Variants in DNAJC3 observed in about 807,000 individuals in gnomAD.
DNAJC3 encodes DnaJ heat shock protein family (Hsp40) member C3, also known as dnaJ homolog subfamily C member 3.
Under a neutral mutation model 68.6 loss-of-function variants are expected in DNAJC3, and 38 were observed. That is an observed-to-expected ratio of 0.55 (90% CI 0.43 to 0.73). The LOEUF (loss-of-function observed/expected upper bound fraction) is 0.73, where lower values mean the gene tolerates loss of function less well. Among genes scored for constraint, DNAJC3 ranks in the 30% least tolerant of loss-of-function variants. The pLI is 0.00. For synonymous variants in DNAJC3, 203 were observed against 204.0 expected (o/e 1.00, Z 0.04); for missense variants, 526 against 591.9 (o/e 0.89, Z 1.16).
At chr13:95,775,174 C>T (rs746730636) in intron 9 of DNAJC3, among the ~76,000 whole-genome samples, 9 of 152,200 alleles carry the variant, frequency 5.9e-5, no homozygotes, top group Admixed American at 3.3e-4. Context: ...AAGCAGTCCT[C>T]CTGCCTCAGC....
intron 2 of DNAJC3, among the ~76,000 whole-genome samples, chr13:95,709,672 C>T (rs1050665507): frequency 2.3e-5 from 3 of 129,108 alleles, no homozygotes; most frequent in East Asian, 2.3e-4. Context: ...CTCGCTCTGT[C>T]GCTGTCGCCC....
intron 4 of DNAJC3, among the ~76,000 whole-genome samples, chr13:95,755,107 C>T (rs554116662): frequency 1.3e-5 from 2 of 151,958 alleles, no homozygotes; most frequent in African/African-American, 4.8e-5. Flanking sequence ...GTAGAGAAAA[C>T]AAGGGGGTGA....
In DNAJC3 at chr13:95,794,577, T is replaced by G. The variant is rs1424248616; in HGVS notation, c.*3547T>G. 1 of 152,276 alleles carries G rather than the reference T, an allele frequency of 6.6e-6. No individual in the cohort carries two copies. Among genetic ancestry groups the G allele is most frequent in the Admixed American group, 6.5e-5 (1 of 15,290 alleles). 9.4% of individuals were successfully genotyped at this position (152,276 alleles called of 1,614,324 possible). On this transcript the variant is annotated 3_prime_UTR_variant, in exon 12 of 12. Transcript: ENST00000602402. ...TTGTTAGTGGCAGTTTATCCTGTAA[T>G]TTCAAATGACGTTAAGAGGTGGGAT...
In DNAJC3 at chr13:95,744,271, G is replaced by A. The variant is rs557702223; in HGVS notation, c.394-13373G>A. Among the ~76,000 whole-genome samples, 76 of 152,176 alleles carry A rather than the reference G, an allele frequency of 5.0e-4. 1 individual carries two copies. The Middle Eastern group carries it at 0.01, about 20-fold the overall frequency. The stretch of plus-strand genomic sequence containing the variant: ...ATGTTTTAAATTCCAACTTTTGCAT[G>A]GGATAATATTTTTGTGATTATTTCA... On this transcript the variant is annotated intron_variant, in intron 4 of 11. Coordinates refer to ENST00000602402, the MANE Select transcript of DNAJC3 (RefSeq NM_006260.5).
At chr13:95,685,670 G>T (rs1412945304) in intron 1 of DNAJC3, among the ~76,000 whole-genome samples, 1 of 152,002 alleles carries the variant, frequency 6.6e-6, no homozygotes, top group African/African-American at 2.4e-5. Flanking sequence ...TGGAGTTGGG[G>T]CTTGGTGGTA....
In DNAJC3 at chr13:95,697,786, G is replaced by GTT. The variant is rs35414850; in HGVS notation, c.83-11421_83-11420dup. Reference sequence around the variant, plus strand: ...AATTTAAAAGACCAGCCTTCAAGAAGTTTTTTTTTTTTTTTTTTTTTAAAG... The same window carrying GTT: ...AATTTAAAAGACCAGCCTTCAAGAAGTTTTTTTTTTTTTTTTTTTTTTTAAAG... On this transcript the variant is annotated intron_variant, in intron 1 of 11. Coordinates refer to ENST00000602402, the MANE Select transcript of DNAJC3 (RefSeq NM_006260.5). Among the ~76,000 whole-genome samples, 59 of 112,278 alleles carry GTT rather than the reference G, an allele frequency of 5.3e-4. No homozygotes were observed. In the South Asian group the frequency reaches 8.3e-3, roughly 16 times the overall value. 73.7% of individuals were successfully genotyped at this position (112,278 alleles called of 152,430 possible). A position where few individuals can be genotyped will look rare whatever the true frequency, so the allele number is the denominator to read the frequency against.
At chr13:95,699,837 T>A (rs999317445) in intron 1 of DNAJC3, among the ~76,000 whole-genome samples, 1 of 152,110 alleles carries the variant, frequency 6.6e-6, no homozygotes, top group Non-Finnish European at 1.5e-5. Context: ...TTTTTCTTTT[T>A]TAAACATTTT....
chr13:95,711,986 A>T (rs1880984783), intron 2 of DNAJC3, among the ~76,000 whole-genome samples: 1 of 152,236 alleles, frequency 6.6e-6, no homozygotes, highest in East Asian at 1.9e-4. Flanking sequence ...TAAAGTTTAA[A>T]GAAGTCCACA....
intron 9 of DNAJC3, among the ~76,000 whole-genome samples, chr13:95,780,000 T>C (rs1883405003): frequency 6.6e-6 from 1 of 152,182 alleles, no homozygotes; most frequent in South Asian, 2.1e-4. Context: ...GTCCTCTGGA[T>C]GTCAGTTTTG....
At chr13:95,762,989 C>G (rs545212773) in intron 7 of DNAJC3, among the ~76,000 whole-genome samples, 2 of 152,278 alleles carry the variant, frequency 1.3e-5, no homozygotes, top group East Asian at 3.9e-4. Context: ...AAGATTGTAG[C>G]ACTTTGGGAA....
In DNAJC3 at chr13:95,688,927, GGTGTGTGT is replaced by G. The variant is rs57546561; in HGVS notation, c.82+11622_82+11629del. 3.6e-3 allele frequency among the ~76,000 whole-genome samples: 471 copies of G among 129,738 alleles called. 3 individuals are homozygous for G. The highest frequency in any genetic ancestry group is 0.018 in the Middle Eastern group (4 of 228). The allele number at this position is 129,738 out of a possible 152,430, so 85.1% of individuals were successfully genotyped here. ...GAGACAAAGCCCATTTGATTGTGTG[GGTGTGTGT>G]GTGTGTGTGTGTGTGTGTGTGTGTG... On this transcript the variant is annotated intron_variant, in intron 1 of 11. Transcript: ENST00000602402.
chr13:95,691,089 G>A (rs1167569861), intron 1 of DNAJC3, among the ~76,000 whole-genome samples: 6 of 148,192 alleles, frequency 4.0e-5, no homozygotes, highest in South Asian at 2.2e-4. Flanking sequence ...CAGTAGGGGC[G>A]GCCGGGCAGA....
chr13:95,733,382 T>C (rs1183482387), intron 4 of DNAJC3, among the ~76,000 whole-genome samples: 6 of 152,156 alleles, frequency 3.9e-5, no homozygotes, highest in Non-Finnish European at 5.9e-5. Flanking sequence ...TATTATTATA[T>C]AATGACTTTT....
intron 9 of DNAJC3, among the ~76,000 whole-genome samples, chr13:95,772,417 A>G (rs1022618912): frequency 6.6e-6 from 1 of 152,184 alleles, no homozygotes; most frequent in Non-Finnish European, 1.5e-5. Flanking sequence ...GTCATAGTGT[A>G]CGGTGCTTGC....
At chr13:95,740,802 G>A (rs553501208) in intron 4 of DNAJC3, among the ~76,000 whole-genome samples, 16 of 152,156 alleles carry the variant, frequency 1.1e-4, no homozygotes, top group African/African-American at 2.4e-4. Flanking sequence ...GCTGTAGACC[G>A]GAGCTGTTCC....
At chr13:95,750,853 G>C (rs1437988469) in intron 4 of DNAJC3, among the ~76,000 whole-genome samples, 3 of 151,814 alleles carry the variant, frequency 2.0e-5, no homozygotes, top group Non-Finnish European at 1.5e-5. Flanking sequence ...GTAAAACCAA[G>C]CTCATGGGTA....
At chr13:95,723,102 T>C (rs1312152715) in intron 2 of DNAJC3, 140 bp from the exon 3 acceptor site, 14 of 809,602 alleles carry the variant, frequency 1.7e-5, no homozygotes, top group Non-Finnish European at 2.4e-5. Context: ...GCAACATGAC[T>C]CTTTTTTGAT....
rs9561937 is a variant in DNAJC3 at position 95,710,458 on chromosome 13, T to G, written c.193+1121T>G. ...GTTGTCCAGGCTGGTCTGAAACTCG[T>G]GGGCTCAAGCAGTCCTCCTGCCTTG... is the stretch of plus-strand genomic sequence containing the variant. On this transcript the variant is annotated intron_variant, in intron 2 of 11. Transcript: ENST00000602402. Among the ~76,000 whole-genome samples, 1,222 of 152,242 alleles carry G rather than the reference T, an allele frequency of 8.0e-3. 41 individuals carry two copies. The highest frequency in any genetic ancestry group is 0.068 in the East Asian group (351 of 5,172).
chr13:95,696,947 G>A (rs180941760), intron 1 of DNAJC3, among the ~76,000 whole-genome samples: 5 of 152,208 alleles, frequency 3.3e-5, no homozygotes, highest in South Asian at 2.1e-4. Flanking sequence ...GGGTTTCACC[G>A]AGTTAGCCAG....
Sources: allele counts gnomAD v4.1 joint callset (sites outside exome capture counted in the v4.1 genomes callset), GRCh38; gene constraint gnomAD v4.1.1; transcripts MANE v1.5; gene names NCBI Gene and HGNC (gene_info 2026-07-23, HGNC 2026-07-21).